Variants in PACS1 observed in about 807,000 individuals in gnomAD.
PACS1 encodes PACS-1.
A neutral mutation model predicts 115.0 loss-of-function variants in PACS1; 24 were observed. That is an observed-to-expected ratio of 0.21 (90% confidence interval 0.15 to 0.29). The LOEUF (loss-of-function observed/expected upper bound fraction) is 0.29. Ranked by LOEUF, PACS1 falls within the 10% of genes least tolerant of loss-of-function variation. The probability of loss-of-function intolerance (pLI) is 1.00; values close to 1 mark genes in which losing one functional copy is unlikely to be tolerated. For missense variants in PACS1, 838 were observed against 1,251.2 expected (o/e 0.67, Z 4.98); for synonymous variants, 453 against 504.5 (o/e 0.90, Z 1.37).
Position 66,139,329 on chromosome 11 carries a change from C to T in PACS1, c.357-54157C>T, listed in dbSNP as rs188416809. Among the ~76,000 whole-genome samples the T allele has an allele frequency of 1.1e-3, 173 of 152,234 alleles. 1 individual carries two copies. Among genetic ancestry groups the T allele is most frequent in the Non-Finnish European group, 1.2e-3 (81 of 68,016 alleles). On this transcript the variant is annotated intron_variant, in intron 1 of 23. Transcript: ENST00000320580. ...ACTCAAGCATTTATCCTTTGTGTTA[C>T]AGACAATCCAGTTATACTTTTTAGT...
chr11:66,105,987 G>A (rs1858029295), intron 1 of PACS1, among the ~76,000 whole-genome samples: 1 of 152,082 alleles, frequency 6.6e-6, no homozygotes, highest in Admixed American at 6.6e-5. Context: ...CTAATGTTTG[G>A]GTTTTCTCAA....
intron 5 of PACS1, 86 bp from the exon 6 acceptor site, chr11:66,216,434 A>G: frequency 1.6e-5 from 23 of 1,452,952 alleles, no homozygotes; most frequent in Non-Finnish European, 2.0e-5. Context: ...TTTCCACCCA[A>G]AGAGAACCAT....
At chr11:66,216,843 T>C (rs1196553531) in intron 7 of PACS1, 68 bp downstream of exon 7, 1 of 1,031,210 alleles carries the variant, frequency 9.7e-7, no homozygotes, top group East Asian at 2.5e-5. Flanking sequence ...GGCAGCAGCA[T>C]ATTCAGGCCT....
intron 1 of PACS1, among the ~76,000 whole-genome samples, chr11:66,182,388 G>A (rs997230608): frequency 6.6e-6 from 1 of 151,826 alleles, no homozygotes; most frequent in Non-Finnish European, 1.5e-5. Flanking sequence ...TTTCTCATTC[G>A]CTGATATTCT....
chr11:66,088,680 G>A (rs1424589033), intron 1 of PACS1, among the ~76,000 whole-genome samples: 1 of 152,168 alleles, frequency 6.6e-6, no homozygotes, highest in East Asian at 1.9e-4. Context: ...TACGTAGTGT[G>A]TCTTCCCGCT....
chr11:66,096,166 C>G (rs1857774932), intron 1 of PACS1, among the ~76,000 whole-genome samples: 1 of 150,730 alleles, frequency 6.6e-6, no homozygotes, highest in African/African-American at 2.4e-5. Flanking sequence ...CTCCTGCCCT[C>G]AAGTGAGCCA....
chr11:66,221,008 C>T lies in PACS1; in HGVS notation c.1200-146C>T, dbSNP rs543762403. 6 of 900,122 alleles carry T rather than the reference C, an allele frequency of 6.7e-6. No homozygotes were observed. In the East Asian group the frequency reaches 1.5e-4, roughly 22 times the overall value. 55.8% of individuals were successfully genotyped at this position (900,122 alleles called of 1,614,324 possible). A position where few individuals can be genotyped will look rare whatever the true frequency, so the allele number is the denominator to read the frequency against. On this transcript the variant is annotated intron_variant, in intron 9 of 23. Coordinates refer to ENST00000320580, the MANE Select transcript of PACS1 (RefSeq NM_018026.4). ...TACCCCCTCTCCTGACCCGCCCCTCCTCTTCACCCTGCACTTCCCTGCTCA... is the reference window on the plus strand; with the variant it reads ...TACCCCCTCTCCTGACCCGCCCCTCTTCTTCACCCTGCACTTCCCTGCTCA...
intron 1 of PACS1, among the ~76,000 whole-genome samples, chr11:66,094,815 G>A (rs1252464811): frequency 1.3e-5 from 2 of 152,048 alleles, no homozygotes; most frequent in Admixed American, 6.6e-5. Flanking sequence ...CTGGCAAACC[G>A]AATCCAGCAG....
At chr11:66,156,187 T>G (rs1590784834) in intron 1 of PACS1, among the ~76,000 whole-genome samples, 1 of 135,946 alleles carries the variant, frequency 7.4e-6, no homozygotes, top group Non-Finnish European at 1.6e-5. Flanking sequence ...CTCCACAAAG[T>G]TGTTTCATTT....
At chr11:66,095,945 A>G (rs543628792) in intron 1 of PACS1, among the ~76,000 whole-genome samples, 2 of 148,566 alleles carry the variant, frequency 1.3e-5, no homozygotes, top group Non-Finnish European at 3.0e-5. Flanking sequence ...TTTTTTTTTT[A>G]AATTTTTGAG....
At position 66,233,947 on chromosome 11, in the gene PACS1, C is replaced by A; in HGVS notation, c.1993+8C>A. 1 of 1,568,204 alleles carries A rather than the reference C, an allele frequency of 6.4e-7. No individual in the cohort carries two copies. Among genetic ancestry groups the A allele is most frequent in the South Asian group, 1.2e-5 (1 of 83,582 alleles). On this transcript the variant is annotated splice_region_variant and intron_variant, in intron 16 of 23. Coordinates refer to ENST00000320580, the MANE Select transcript of PACS1 (RefSeq NM_018026.4). This position sits in a 1 kb window ranked among gnomAD's most constrained non-coding sequence, Gnocchi z 4.5. ...TCCTCATCATCCCCCTCGGTAAAGA[C>A]GGGAGGCACCAGGAGGGCGTCGGGC...
At chr11:66,237,371 C>CT (rs755341481) in intron 19 of PACS1, among the ~76,000 whole-genome samples, 12 of 152,308 alleles carry the variant, frequency 7.9e-5, no homozygotes, top group Non-Finnish European at 1.5e-4. Context: ...CAGCTTGTAT[C>CT]TTTTTTTGTA....
chr11:66,216,238 T>C lies in PACS1; in HGVS notation c.780T>C (p.His260=). 7 of 1,614,046 alleles carry C rather than the reference T, an allele frequency of 4.3e-6. No individual in the cohort carries two copies. Among genetic ancestry groups the C allele is most frequent in the Non-Finnish European group, 5.9e-6 (7 of 1,180,010 alleles). Residue 260 remains histidine (H), a synonymous_variant, in exon 5 of 24, where the codon CAT becomes CAC. Transcript: ENST00000320580. ...CCCTGTCCAGCCAACCCATTGACCA[T>C]GAAGGAATCAAATCCAAGCTTTCTG... ...IYSLSSQPID[H]EGIKSKLSDR...
intron 2 of PACS1, among the ~76,000 whole-genome samples, chr11:66,201,765 T>A (rs562237598): frequency 2.4e-4 from 37 of 152,074 alleles, no homozygotes; most frequent in African/African-American, 8.9e-4. Flanking sequence ...GTTCAAGTGA[T>A]TCTCCTGCCT....
At chr11:66,203,837 A>G (rs999379366) in intron 2 of PACS1, among the ~76,000 whole-genome samples, 8 of 150,576 alleles carry the variant, frequency 5.3e-5, no homozygotes, top group South Asian at 4.2e-4. Flanking sequence ...GTCTCTCACT[A>G]TATACAAAAA....
At position 66,221,196 on chromosome 11, in the gene PACS1, G is replaced by A; in HGVS notation, c.1242G>A (p.Glu414=). 1 of 1,614,228 alleles carries A rather than the reference G, an allele frequency of 6.2e-7. No homozygotes were observed. Among genetic ancestry groups the A allele is most frequent in the Non-Finnish European group, 8.5e-7 (1 of 1,180,044 alleles). Residue 414 remains glutamate, a synonymous_variant, in exon 10 of 24, where the codon GAG becomes GAA. Transcript: ENST00000320580. ...EGMSQSSSQT[E]IGSLNSKGSL... is the part of the protein sequence containing the mutation. ...TGTCGCAGTCCAGCTCCCAGACGGA[G>A]ATTGGCAGCCTCAACAGCAAAGGCA...
At chr11:66,228,066 G>A (rs1050525743) in intron 11 of PACS1, among the ~76,000 whole-genome samples, 8 of 152,058 alleles carry the variant, frequency 5.3e-5, no homozygotes, top group African/African-American at 1.4e-4. Flanking sequence ...TTTACAGGTC[G>A]AATTGCACAA....
chr11:66,169,711 G>A (rs541540081), intron 1 of PACS1, among the ~76,000 whole-genome samples: 28 of 149,450 alleles, frequency 1.9e-4, no homozygotes, highest in Non-Finnish European at 2.8e-4. Context: ...CACTGTGCCC[G>A]GCTATTTTTT....
At chr11:66,106,943 T>A (rs932222721) in intron 1 of PACS1, among the ~76,000 whole-genome samples, 9 of 152,172 alleles carry the variant, frequency 5.9e-5, no homozygotes, top group Admixed American at 6.5e-5. Flanking sequence ...GCCTCTGGGC[T>A]TCATGTGAGC....
Sources: gnomAD v4.1 joint callset for allele counts (sites outside exome capture counted in the v4.1 genomes callset) on GRCh38, gnomAD v4.1.1 for gene constraint, Gnocchi (gnomAD v3.1) non-coding constraint, MANE v1.5 for transcripts, NCBI Gene and HGNC (gene_info 2026-07-23, HGNC 2026-07-21) for gene names.